Variants in HOMER2 observed in about 807,000 individuals in gnomAD.
The protein encoded by HOMER2 is homer protein homolog 2.
In HOMER2, 27 loss-of-function variants were observed where a neutral mutation model predicts 47.0. The ratio of observed to expected loss-of-function variants is 0.57; its 90% CI spans 0.42 to 0.79. The LOEUF is 0.79. Ranked by LOEUF, HOMER2 falls within the 30% of genes least tolerant of loss-of-function variation. The pLI is 0.00. For synonymous variants in HOMER2, 161 were observed against 163.8 expected (o/e 0.98, Z 0.13); for missense variants, 443 against 435.0 (o/e 1.02, Z -0.16).
chr15:82,938,660 G>A (rs1172806970), intron 1 of HOMER2, among the ~76,000 whole-genome samples: 1 of 152,112 alleles, frequency 6.6e-6, no homozygotes, highest in South Asian at 2.1e-4. Context: ...TTCATCATCA[G>A]CTAGACTTCT....
intron 1 of HOMER2, among the ~76,000 whole-genome samples, chr15:82,946,881 A>G (rs1214643724): frequency 6.6e-6 from 1 of 152,138 alleles, no homozygotes; most frequent in African/African-American, 2.4e-5. Context: ...CCTCCCCACA[A>G]TGTACCACGG....
At chr15:82,878,713 G>A (rs1487875208) in intron 2 of HOMER2, among the ~76,000 whole-genome samples, 1 of 152,082 alleles carries the variant, frequency 6.6e-6, no homozygotes, top group African/African-American at 2.4e-5. Context: ...CTGCAGCCTC[G>A]ACCTCCTGGG....
chr15:82,936,747 ATT>A (rs547094287), intron 1 of HOMER2, among the ~76,000 whole-genome samples: 5 of 142,770 alleles, frequency 3.5e-5, no homozygotes. Flanking sequence ...TAATTTTTGT[ATT>A]TTTTTTTTTT....
chr15:82,889,080 C>G (rs996613360), intron 2 of HOMER2, among the ~76,000 whole-genome samples: 3 of 152,144 alleles, frequency 2.0e-5, no homozygotes, highest in African/African-American at 7.2e-5. Context: ...GCCCAGCCAA[C>G]AGAGAGAGGC....
chr15:82,945,692 C>A (rs769083335), intron 1 of HOMER2, among the ~76,000 whole-genome samples: 1 of 151,800 alleles, frequency 6.6e-6, no homozygotes, highest in Non-Finnish European at 1.5e-5. Context: ...GGTAGATGGC[C>A]GGGCGCGGTG....
intron 1 of HOMER2, among the ~76,000 whole-genome samples, chr15:82,942,131 T>C (rs2054279515): frequency 6.6e-6 from 1 of 152,208 alleles, no homozygotes; most frequent in African/African-American, 2.4e-5. Flanking sequence ...GGAAGCCTTC[T>C]CTAACTTCGT....
At chr15:82,914,178 T>TACACACACACACACACAC in intron 1 of HOMER2, among the ~76,000 whole-genome samples, 1 of 116,756 alleles carries the variant, frequency 8.6e-6, no homozygotes, top group African/African-American at 3.4e-5. Flanking sequence ...CTACTAAAAA[T>TACACACACACACACACAC]ACACACACAC....
chr15:82,857,299 G>A, intron 5 of HOMER2, among the ~76,000 whole-genome samples: 1 of 152,020 alleles, frequency 6.6e-6, no homozygotes, highest in East Asian at 1.9e-4. Flanking sequence ...ATCTGCCAGT[G>A]CCTTAATCTT....
intron 4 of HOMER2, among the ~76,000 whole-genome samples, chr15:82,863,809 T>G (rs2151633599): frequency 6.6e-6 from 1 of 152,322 alleles, no homozygotes; most frequent in Admixed American, 6.5e-5. Flanking sequence ...CTGTCTGACA[T>G]CAAGTCTCTC....
At chr15:82,931,481 G>C (rs2054009040) in intron 1 of HOMER2, among the ~76,000 whole-genome samples, 1 of 151,612 alleles carries the variant, frequency 6.6e-6, no homozygotes, top group Non-Finnish European at 1.5e-5. Context: ...TCAGGCTGTG[G>C]GATTCCAATT....
At chr15:82,937,289 C>T (rs563842953) in intron 1 of HOMER2, among the ~76,000 whole-genome samples, 122 of 152,346 alleles carry the variant, frequency 8.0e-4, no homozygotes, top group Admixed American at 1.7e-3. Flanking sequence ...TTCCCCTTCT[C>T]AAACTTAGTG....
At chr15:82,936,095 C>T (rs1333401807) in intron 1 of HOMER2, among the ~76,000 whole-genome samples, 1 of 152,212 alleles carries the variant, frequency 6.6e-6, no homozygotes, top group African/African-American at 2.4e-5. Context: ...GCAATCCTGC[C>T]CTGCTGGTCT....
At chr15:82,928,350 C>T (rs912371087) in intron 1 of HOMER2, among the ~76,000 whole-genome samples, 6 of 152,158 alleles carry the variant, frequency 3.9e-5, no homozygotes, top group East Asian at 1.9e-4. Flanking sequence ...TCTGTTTCCG[C>T]CATGCAAATA....
intron 7 of HOMER2, 53 bp downstream of exon 7, chr15:82,852,089 C>T (rs796599114): frequency 2.1e-4 from 267 of 1,288,294 alleles, no homozygotes; most frequent in African/African-American, 1.1e-3. Context: ...TGTGTGCCAC[C>T]CCGCAAGGCC....
chr15:82,890,592 C>A (rs1234520232), intron 2 of HOMER2, among the ~76,000 whole-genome samples: 1 of 152,186 alleles, frequency 6.6e-6, no homozygotes, highest in Admixed American at 6.5e-5. Flanking sequence ...GGCTTGAACC[C>A]CACCACATTG....
chr15:82,976,678 GTTTT>G (rs11422973), intron 1 of HOMER2, among the ~76,000 whole-genome samples: 55 of 125,182 alleles, frequency 4.4e-4, no homozygotes, highest in Non-Finnish European at 7.5e-4. Flanking sequence ...TTTGTGTGTG[GTTTT>G]TTTTTTTTTT....
At chr15:82,836,012 T>C (rs2151579621), downstream of HOMER2, 1 of 152,378 alleles carries the variant, frequency 6.6e-6, no homozygotes, top group East Asian at 1.9e-4. Flanking sequence ...AAAATAATTC[T>C]CAGAATTTGC....
At chr15:82,952,808 T>A, upstream of HOMER2, 1 of 650,252 alleles carries the variant, frequency 1.5e-6, no homozygotes, top group South Asian at 7.2e-5. Flanking sequence ...TTACGTAACC[T>A]CGTGGCCCCC....
At chr15:82,934,133 A>G (rs533075212) in intron 1 of HOMER2, among the ~76,000 whole-genome samples, 6 of 152,106 alleles carry the variant, frequency 3.9e-5, no homozygotes, top group African/African-American at 1.2e-4. Flanking sequence ...ACCGCCCCCC[A>G]CATATGCAGA....
Sources: gnomAD v4.1 joint callset for allele counts (sites outside exome capture counted in the v4.1 genomes callset) on GRCh38, gnomAD v4.1.1 for gene constraint, MANE v1.5 for transcripts, NCBI Gene and HGNC (gene_info 2026-07-23, HGNC 2026-07-21) for gene names.